The following SETBP1 variants were observed in gnomAD, a reference collection of about 807,000 sequenced individuals.
SETBP1 encodes SET binding protein 1.
In SETBP1, 9 loss-of-function variants were observed where a neutral mutation model predicts 101.0. That is an observed-to-expected ratio of 0.09 (90% confidence interval 0.05 to 0.16). SETBP1 has a LOEUF of 0.16. Ranked by LOEUF, SETBP1 falls within the 10% of genes least tolerant of loss-of-function variation. The pLI, the probability that SETBP1 is intolerant of heterozygous loss-of-function variation, is 1.00. For missense variants in SETBP1, 1,858 were observed against 2,033.8 expected (o/e 0.91, Z 1.66); for synonymous variants, 818 against 788.5 (o/e 1.04, Z -0.63).
At chr18:44,931,895 T>C (rs1219250332) in intron 3 of SETBP1, among the ~76,000 whole-genome samples, 4 of 152,230 alleles carry the variant, frequency 2.6e-5, no homozygotes, top group African/African-American at 9.6e-5. Context: ...CTTTATCCAA[T>C]TTGCCAGTCT....
At chr18:44,721,817 T>G (rs2144339898) in intron 2 of SETBP1, among the ~76,000 whole-genome samples, 1 of 152,166 alleles carries the variant, frequency 6.6e-6, no homozygotes, top group Non-Finnish European at 1.5e-5. Flanking sequence ...AAGAGGGCAA[T>G]GGTGTGAAAG....
At chr18:44,856,558 G>T (rs2072981180) in intron 2 of SETBP1, among the ~76,000 whole-genome samples, 1 of 152,120 alleles carries the variant, frequency 6.6e-6, no homozygotes, top group African/African-American at 2.4e-5. Context: ...TACTACTTTT[G>T]TTATATTAAA....
rs2073926346 is a variant in SETBP1, at chr18:45,063,572, C to T, written c.4665C>T (p.His1555=). Residue 1555 remains histidine (H), a synonymous_variant, in exon 6 of 6, where the codon CAC becomes CAT. Coordinates refer to ENST00000649279, the MANE Select transcript of SETBP1 (RefSeq NM_015559.3). ...CCCCCCGAGGCGGAAAGAGGAAACA[C>T]AAACCGCAGGCCCCCGCTCAGCCCC... ...PKTPRGGKRK[H]KPQAPAQPPQ... 6 of 1,540,518 alleles carry T rather than the reference C, an allele frequency of 3.9e-6. No individual in the cohort carries two copies. Among genetic ancestry groups the T allele is most frequent in the Non-Finnish European group, 5.3e-6 (6 of 1,141,224 alleles).
rs1196749976 is a variant in SETBP1, at chr18:44,766,935, C to T, written c.486+65103C>T. On this transcript the variant is annotated intron_variant, in intron 2 of 5. Coordinates refer to ENST00000649279, the MANE Select transcript of SETBP1 (RefSeq NM_015559.3). Reference sequence around the variant, plus strand: ...TGAGTATGGATCTATTATAGTCCCTCAGAGTGCTGGGGAATAAAGTGATGA... The same window carrying T: ...TGAGTATGGATCTATTATAGTCCCTTAGAGTGCTGGGGAATAAAGTGATGA... Among the ~76,000 whole-genome samples, 3 of 152,170 alleles carry T rather than the reference C, an allele frequency of 2.0e-5. No homozygotes were observed. The East Asian group carries it at 5.8e-4, about 29-fold the overall frequency.
intron 2 of SETBP1, among the ~76,000 whole-genome samples, chr18:44,807,073 A>G (rs1422670553): frequency 1.3e-5 from 2 of 152,020 alleles, no homozygotes; most frequent in Non-Finnish European, 2.9e-5. Flanking sequence ...CCCTAACTAC[A>G]CTGTAAGCTC....
Position 45,038,612 on chromosome 18 carries a change from A to G in SETBP1, c.4128A>G (p.Pro1376=). Residue 1376 remains proline, a synonymous_variant, in exon 5 of 6, where the codon CCA becomes CCG. Coordinates refer to ENST00000649279, the MANE Select transcript of SETBP1 (RefSeq NM_015559.3). The part of the protein sequence containing the change: ...AVDSVTIPPA[P]VLSLLAASAA... Reference sequence around the variant, plus strand: ...ACAGTGTTACAATTCCACCAGCCCCAGTGTTATCTCTCCTTGCTGCATCTG... The same window carrying G: ...ACAGTGTTACAATTCCACCAGCCCCGGTGTTATCTCTCCTTGCTGCATCTG... 6.2e-7 allele frequency: 1 copy of G among 1,614,184 alleles called. No homozygotes were observed. The highest frequency in any genetic ancestry group is 1.7e-4 in the Middle Eastern group (1 of 6,060).
intron 1 of SETBP1, among the ~76,000 whole-genome samples, chr18:44,697,717 G>A (rs1348629229): frequency 1.3e-5 from 2 of 152,222 alleles, no homozygotes; most frequent in Non-Finnish European, 2.9e-5. Flanking sequence ...TACAAGGCTG[G>A]TATTTAGTGG....
intron 3 of SETBP1, among the ~76,000 whole-genome samples, chr18:44,900,765 C>G (rs1568207899): frequency 1.3e-5 from 2 of 152,136 alleles, no homozygotes; most frequent in Non-Finnish European, 2.9e-5. Flanking sequence ...TCTGAGCACA[C>G]ACTAGTTGGA....
intron 3 of SETBP1, among the ~76,000 whole-genome samples, chr18:44,916,054 C>A (rs2070417911): frequency 1.3e-5 from 2 of 151,910 alleles, no homozygotes; most frequent in South Asian, 4.2e-4. Context: ...GGTGAAAGCC[C>A]ATCTCTACTA....
intron 4 of SETBP1, among the ~76,000 whole-genome samples, chr18:45,027,080 G>C (rs1009124597): frequency 3.9e-5 from 6 of 152,162 alleles, no homozygotes; most frequent in Non-Finnish European, 8.8e-5. Context: ...GACACTTCTA[G>C]AGAACACCTT....
intron 2 of SETBP1, among the ~76,000 whole-genome samples, chr18:44,744,785 A>C (rs1599064362): frequency 6.8e-6 from 1 of 146,602 alleles, no homozygotes; most frequent in South Asian, 2.2e-4. Context: ...AAAAAAAACA[A>C]AAAAAAAAAC....
At chr18:44,736,489 G>T (rs1246816930) in intron 2 of SETBP1, among the ~76,000 whole-genome samples, 1 of 152,190 alleles carries the variant, frequency 6.6e-6, no homozygotes, top group African/African-American at 2.4e-5. Flanking sequence ...ATTACCCTAA[G>T]TTGGGAAGAT....
intron 4 of SETBP1, among the ~76,000 whole-genome samples, chr18:44,994,394 A>T (rs147232530): frequency 3.8e-4 from 58 of 152,354 alleles, no homozygotes; most frequent in Admixed American, 5.9e-4. Flanking sequence ...GGATTAAAGA[A>T]TTATGGGATT....
chr18:44,870,203 A>G (rs1423199284), intron 3 of SETBP1: 1 of 152,202 alleles, frequency 6.6e-6, no homozygotes, highest in Non-Finnish European at 1.5e-5. Context: ...AATTTCATGT[A>G]TTTGGGCACG....
At chr18:44,839,030 C>T (rs888631767) in intron 2 of SETBP1, among the ~76,000 whole-genome samples, 6 of 151,690 alleles carry the variant, frequency 4.0e-5, no homozygotes, top group Non-Finnish European at 8.8e-5. Flanking sequence ...AAGGATGAGA[C>T]CCTGATGTGA....
chr18:44,695,131 A>C (rs1238866031), intron 1 of SETBP1, among the ~76,000 whole-genome samples: 9 of 152,200 alleles, frequency 5.9e-5, no homozygotes, highest in African/African-American at 1.9e-4. Context: ...CTCTCCCACA[A>C]GGCAAAAGAA....
At chr18:44,831,778 T>G (rs2072376293) in intron 2 of SETBP1, among the ~76,000 whole-genome samples, 1 of 152,232 alleles carries the variant, frequency 6.6e-6, no homozygotes, top group Admixed American at 6.5e-5. Context: ...GTAGACTTCC[T>G]GAATTAAAAT....
rs2073966609 is a variant in SETBP1, at chr18:45,066,428, CTCAGT to C, written c.*2731_*2735del. ...CCTCTCTCCACCACCCAGTTCCTCC[CTCAGT>C]ATCACATTATTTTTTTCTTCTGCTT... On this transcript the variant is annotated 3_prime_UTR_variant, in exon 6 of 6. Coordinates refer to ENST00000649279, the MANE Select transcript of SETBP1 (RefSeq NM_015559.3). The C allele has an allele frequency of 1.3e-5, 2 of 152,346 alleles. No individual in the cohort carries two copies. Among genetic ancestry groups the C allele is most frequent in the African/African-American group, 4.8e-5 (2 of 41,572 alleles). The allele number at this position is 152,346 out of a possible 1,614,324, so 9.4% of individuals were successfully genotyped here.
At chr18:44,693,319 C>A (rs909912038) in intron 1 of SETBP1, among the ~76,000 whole-genome samples, 3 of 152,126 alleles carry the variant, frequency 2.0e-5, no homozygotes, top group African/African-American at 7.2e-5. Context: ...CAAATAGGCA[C>A]AGGTCTTACC....
Sources: gnomAD v4.1 joint callset for allele counts (sites outside exome capture counted in the v4.1 genomes callset) on GRCh38, gnomAD v4.1.1 for gene constraint, MANE v1.5 for transcripts, NCBI Gene and HGNC (gene_info 2026-07-23, HGNC 2026-07-21) for gene names.